HDAC9: variants seen among roughly 807,000 people sequenced by gnomAD.
HDAC9 encodes histone deacetylase 9.
A neutral mutation model predicts 139.4 loss-of-function variants in HDAC9; 41 were observed. That is an observed-to-expected ratio of 0.29 (90% CI 0.23 to 0.38). HDAC9 has a LOEUF of 0.38. Among genes scored for constraint, HDAC9 ranks in the 10% least tolerant of loss-of-function variants. The pLI is 1.00. For synonymous variants in HDAC9, 517 were observed against 476.2 expected, an observed-to-expected ratio of 1.09 and a Z score of -1.12; for missense variants, 1,147 against 1,297.0, an observed-to-expected ratio of 0.88 and a Z score of 1.78.
intron 2 of HDAC9, among the ~76,000 whole-genome samples, chr7:18,192,124 CG>C (rs932938830): frequency 2.6e-5 from 4 of 151,840 alleles, no homozygotes; most frequent in East Asian, 3.9e-4. Flanking sequence ...GGCCGGGGGG[CG>C]GGGGGGTGTC....
At chr7:18,836,547 T>C (rs1796251697) in intron 21 of HDAC9, among the ~76,000 whole-genome samples, 1 of 152,126 alleles carries the variant, frequency 6.6e-6, no homozygotes, top group East Asian at 1.9e-4. Flanking sequence ...GTTGCTTCCA[T>C]TTTCTCTGGA....
chr7:18,329,920 T>G (rs1051175260), intron 1 of HDAC9, among the ~76,000 whole-genome samples: 4 of 151,632 alleles, frequency 2.6e-5, no homozygotes, highest in Admixed American at 1.3e-4. Flanking sequence ...TTGGGAATAG[T>G]GTATATTTTA....
chr7:18,424,569 T>C (rs1789936930), intron 1 of HDAC9, among the ~76,000 whole-genome samples: 1 of 152,202 alleles, frequency 6.6e-6, no homozygotes, highest in African/African-American at 2.4e-5. Context: ...ATATGACTTT[T>C]ACAACAAAAA....
intron 1 of HDAC9, among the ~76,000 whole-genome samples, chr7:18,373,288 T>C (rs1027930649): frequency 6.6e-5 from 10 of 152,152 alleles, no homozygotes; most frequent in African/African-American, 2.4e-4. Flanking sequence ...TGTTTCTTCA[T>C]TTATTTCAAG....
chr7:18,813,938 C>T (rs1039835851), intron 17 of HDAC9, among the ~76,000 whole-genome samples: 2 of 152,172 alleles, frequency 1.3e-5, no homozygotes, highest in African/African-American at 4.8e-5. Context: ...ATGTTAGTCC[C>T]TCCGTCTGCA....
intron 8 of HDAC9, among the ~76,000 whole-genome samples, chr7:18,636,809 A>G (rs1407328273): frequency 6.6e-6 from 1 of 152,080 alleles, no homozygotes; most frequent in African/African-American, 2.4e-5. Context: ...GTGCAGTTAT[A>G]TCTGGATATT....
At chr7:18,748,857 T>C in intron 13 of HDAC9, 148 bp from the exon 14 acceptor site, 1 of 748,958 alleles carries the variant, frequency 1.3e-6, no homozygotes. Flanking sequence ...TCTTATGTGC[T>C]CCTGAGAATT....
At chr7:18,580,329 A>G (rs2839834) in intron 2 of HDAC9, among the ~76,000 whole-genome samples, 5,288 of 152,260 alleles carry the variant, frequency 0.035, 243 homozygotes, top group Admixed American at 0.14. Flanking sequence ...AAAAGAAGGA[A>G]TAACTATTGA....
chr7:18,262,014 G>A (rs7796779), intron 2 of HDAC9, among the ~76,000 whole-genome samples: 61,134 of 152,120 alleles, frequency 0.4, 13,852 homozygotes, highest in Admixed American at 0.52. Context: ...CAAATCCCCT[G>A]ATGTACACCT....
At chr7:18,505,492 A>AAT (rs1308622044) in intron 2 of HDAC9, among the ~76,000 whole-genome samples, 2 of 152,174 alleles carry the variant, frequency 1.3e-5, no homozygotes, top group African/African-American at 4.8e-5. Context: ...ACTTATTTTG[A>AAT]ATATATATCT....
chr7:18,206,427 G>T (rs1409991167), intron 2 of HDAC9, among the ~76,000 whole-genome samples: 1 of 151,976 alleles, frequency 6.6e-6, no homozygotes, highest in Non-Finnish European at 1.5e-5. Context: ...TACAAATTAG[G>T]TCAGGAGTAA....
intron 2 of HDAC9, among the ~76,000 whole-genome samples, chr7:18,189,448 T>C (rs1227824215): frequency 6.6e-6 from 1 of 151,984 alleles, no homozygotes; most frequent in Non-Finnish European, 1.5e-5. Context: ...TCTGTACATG[T>C]ATCCTGTTTT....
chr7:18,684,466 A>G (rs1375657371), intron 12 of HDAC9, among the ~76,000 whole-genome samples: 1 of 75,616 alleles, frequency 1.3e-5, no homozygotes, highest in Admixed American at 1.6e-4. Context: ...AACAACTCAC[A>G]AACAAACAAA....
At chr7:18,462,574 A>G (rs1793941356) in intron 1 of HDAC9, among the ~76,000 whole-genome samples, 2 of 151,950 alleles carry the variant, frequency 1.3e-5, no homozygotes, top group Admixed American at 6.6e-5. Flanking sequence ...CTTGATTTCT[A>G]TCAGTGTTTT....
At chr7:18,992,493 C>T (rs1273417147) in intron 25 of HDAC9, among the ~76,000 whole-genome samples, 1 of 152,094 alleles carries the variant, frequency 6.6e-6, no homozygotes, top group Non-Finnish European at 1.5e-5. Flanking sequence ...AATAATGTAA[C>T]AGGCATTGTA....
At chr7:18,475,575 T>G (rs1453635575) in intron 1 of HDAC9, among the ~76,000 whole-genome samples, 1 of 152,204 alleles carries the variant, frequency 6.6e-6, no homozygotes, top group African/African-American at 2.4e-5. Flanking sequence ...GAGATGCATT[T>G]TTTTCTAATT....
At chr7:18,635,391 G>A (rs1783576509) in intron 8 of HDAC9, among the ~76,000 whole-genome samples, 3 of 152,024 alleles carry the variant, frequency 2.0e-5, no homozygotes, top group Admixed American at 6.6e-5. Flanking sequence ...TATAAACATG[G>A]ACAAGATATG....
intron 11 of HDAC9, among the ~76,000 whole-genome samples, chr7:18,651,941 C>A (rs1211720539): frequency 6.6e-6 from 1 of 151,968 alleles, no homozygotes; most frequent in Non-Finnish European, 1.5e-5. Flanking sequence ...GGAGAGGAAA[C>A]CCTGTGAGAA....
chr7:18,131,137 C>A (rs1297556953), intron 1 of HDAC9, among the ~76,000 whole-genome samples: 1 of 152,084 alleles, frequency 6.6e-6, no homozygotes, highest in Non-Finnish European at 1.5e-5. Context: ...AAGCTTCCAT[C>A]CACCTCTAAA....
Sources: gnomAD v4.1 joint callset for allele counts (sites outside exome capture counted in the v4.1 genomes callset) on GRCh38, gnomAD v4.1.1 for gene constraint, MANE v1.5 for transcripts, NCBI Gene and HGNC (gene_info 2026-07-23, HGNC 2026-07-21) for gene names.